The following B4GALT5 variants were observed in gnomAD, a reference collection of about 807,000 sequenced individuals.
B4GALT5 encodes UDP-Gal:beta-GlcNAc beta-1,4-galactosyltransferase 5.
A neutral mutation model predicts 45.0 loss-of-function variants in B4GALT5; 11 were observed. The ratio of observed to expected loss-of-function variants is 0.24; its 90% CI spans 0.15 to 0.40. B4GALT5 has a LOEUF of 0.40. Ranked by LOEUF, B4GALT5 falls within the 10% of genes least tolerant of loss-of-function variation. B4GALT5 has a pLI of 1.00. For synonymous variants in B4GALT5, 185 were observed against 182.9 expected, an observed-to-expected ratio of 1.01 and a Z score of -0.09; for missense variants, 337 against 500.2, an observed-to-expected ratio of 0.67 and a Z score of 3.11.
intron 1 of B4GALT5, among the ~76,000 whole-genome samples, chr20:49,658,474 CA>C (rs2085652216): frequency 6.6e-6 from 1 of 152,092 alleles, no homozygotes; most frequent in Non-Finnish European, 1.5e-5. Flanking sequence ...ATTACTAAAC[CA>C]GTTGTCTTAT....
At chr20:49,713,332 G>T (rs1055901085) in intron 1 of B4GALT5, among the ~76,000 whole-genome samples, 1 of 151,880 alleles carries the variant, frequency 6.6e-6, no homozygotes, top group Non-Finnish European at 1.5e-5. Context: ...GGGTTCGCGA[G>T]GGTGGCGTTA....
chr20:49,670,895 A>G (rs74579226), intron 1 of B4GALT5, among the ~76,000 whole-genome samples: 2,725 of 152,294 alleles, frequency 0.018, 89 homozygotes, highest in African/African-American at 0.062. Context: ...ATTCATCCTA[A>G]AGAAATAATT....
chr20:49,639,942 A>C (rs1264936223), intron 6 of B4GALT5, 142 bp from the exon 7 acceptor site: 1 of 1,177,410 alleles, frequency 8.5e-7, no homozygotes, highest in African/African-American at 1.6e-5. Context: ...AGCAAAATTA[A>C]TTTTTGCAAA....
intron 1 of B4GALT5, among the ~76,000 whole-genome samples, chr20:49,666,373 C>T (rs1165638074): frequency 6.6e-6 from 1 of 152,158 alleles, no homozygotes; most frequent in Non-Finnish European, 1.5e-5. Flanking sequence ...AAAGGTGCTG[C>T]TTGGTGCTCA....
intron 1 of B4GALT5, among the ~76,000 whole-genome samples, chr20:49,678,313 A>T (rs2146347624): frequency 6.6e-6 from 1 of 152,336 alleles, no homozygotes; most frequent in East Asian, 1.9e-4. Context: ...GAAAAGCAAA[A>T]CCAACCCTGG....
chr20:49,652,097 A>G (rs1268887244), intron 2 of B4GALT5, among the ~76,000 whole-genome samples: 1 of 152,080 alleles, frequency 6.6e-6, no homozygotes, highest in East Asian at 1.9e-4. Flanking sequence ...CAAACAAACA[A>G]AATTCTAACA....
chr20:49,648,120 G>A (rs914482657), intron 2 of B4GALT5, among the ~76,000 whole-genome samples: 1 of 152,068 alleles, frequency 6.6e-6, no homozygotes, highest in Admixed American at 6.6e-5. Context: ...CATGTTTGCA[G>A]TCATTTTTCT....
intron 1 of B4GALT5, among the ~76,000 whole-genome samples, chr20:49,709,185 G>C (rs899128558): frequency 6.6e-6 from 1 of 151,908 alleles, no homozygotes; most frequent in South Asian, 2.1e-4. Context: ...CTGAGCTCTC[G>C]GATTTTTTTT....
intron 1 of B4GALT5, among the ~76,000 whole-genome samples, chr20:49,662,161 C>A (rs1282640088): frequency 6.6e-6 from 1 of 152,138 alleles, no homozygotes; most frequent in African/African-American, 2.4e-5. Flanking sequence ...TTAATGTTTG[C>A]TGTGGTTGGC....
rs552579982 is a variant in B4GALT5, at chr20:49,666,131, G to C, written c.116-9429C>G. On this transcript the variant is annotated intron_variant, in intron 1 of 8. Coordinates refer to ENST00000371711, the MANE Select transcript of B4GALT5 (RefSeq NM_004776.4). ...AATTCCTGGCTCCAGATTAAGGACTGAACTTTTTAGTATCCACATCTAAAT... is the reference window on the plus strand; with the variant it reads ...AATTCCTGGCTCCAGATTAAGGACTCAACTTTTTAGTATCCACATCTAAAT... Among the ~76,000 whole-genome samples, 6 of 152,256 alleles carry C rather than the reference G, an allele frequency of 3.9e-5. 1 individual carries two copies. The East Asian group carries it at 7.7e-4, about 20-fold the overall frequency.
At chr20:49,655,488 C>T (rs1361927047) in intron 2 of B4GALT5, among the ~76,000 whole-genome samples, 2 of 152,116 alleles carry the variant, frequency 1.3e-5, no homozygotes, top group South Asian at 2.1e-4. Context: ...AGAAATGAGG[C>T]GAATCATGAA....
chr20:49,678,262 G>C (rs4810973), intron 1 of B4GALT5, among the ~76,000 whole-genome samples: 71,110 of 152,106 alleles, frequency 0.47, 17,606 homozygotes, highest in South Asian at 0.65. Flanking sequence ...AGGTCAACTT[G>C]GTTACTAATT....
At chr20:49,657,727 T>A (rs2085649115) in intron 1 of B4GALT5, among the ~76,000 whole-genome samples, 1 of 152,186 alleles carries the variant, frequency 6.6e-6, no homozygotes, top group African/African-American at 2.4e-5. Context: ...ACTCAATACA[T>A]CTGGCCTTGG....
Position 49,703,730 on chromosome 20 carries a change from A to AAAAAAAAAAAAATAAT in B4GALT5, c.115+9845_115+9846insATTATTTTTTTTTTTT, listed in dbSNP as rs1555814914. 8.5e-3 allele frequency among the ~76,000 whole-genome samples: 1,225 copies of AAAAAAAAAAAAATAAT among 144,628 alleles called. 15 individuals are homozygous for AAAAAAAAAAAAATAAT. The highest frequency in any genetic ancestry group is 0.032 in the African/African-American group (1,160 of 36,398). 94.9% of individuals were successfully genotyped at this position (144,628 alleles called of 152,430 possible). A position where few individuals can be genotyped will look rare whatever the true frequency, so the allele number is the denominator to read the frequency against. On this transcript the variant is annotated intron_variant, in intron 1 of 8. Coordinates refer to ENST00000371711, the MANE Select transcript of B4GALT5 (RefSeq NM_004776.4). ...ACGGCAAAGCCGCATTTCTACTAAA[A>AAAAAAAAAAAAATAAT]AAAAAAAAAATAGCCAGGGGTCATG...
chr20:49,640,178 T>G (rs1318483804), intron 6 of B4GALT5, among the ~76,000 whole-genome samples: 1 of 152,242 alleles, frequency 6.6e-6, no homozygotes, highest in African/African-American at 2.4e-5. Flanking sequence ...TTTATCTACT[T>G]TCTGTCACTA....
At chr20:49,677,872 A>G (rs1268639707) in intron 1 of B4GALT5, among the ~76,000 whole-genome samples, 1 of 152,144 alleles carries the variant, frequency 6.6e-6, no homozygotes, top group Non-Finnish European at 1.5e-5. Flanking sequence ...CAGCCTCCTG[A>G]GTAGCTGGGA....
chr20:49,694,536 G>C (rs2085829723), intron 1 of B4GALT5, among the ~76,000 whole-genome samples: 1 of 151,932 alleles, frequency 6.6e-6, no homozygotes. Flanking sequence ...ACTTGGGAGG[G>C]TGAGGTGGGA....
chr20:49,685,824 T>C (rs944065883), intron 1 of B4GALT5, among the ~76,000 whole-genome samples: 5 of 152,028 alleles, frequency 3.3e-5, no homozygotes, highest in African/African-American at 1.2e-4. Context: ...CATTTTTGGA[T>C]AGTTTTAAAA....
intron 1 of B4GALT5, among the ~76,000 whole-genome samples, chr20:49,698,606 G>A (rs553454359): frequency 3.3e-5 from 5 of 151,476 alleles, no homozygotes; most frequent in African/African-American, 9.7e-5. Flanking sequence ...TCCCACTCTC[G>A]CATTCACACA....
Sources: gnomAD v4.1 joint callset for allele counts (sites outside exome capture counted in the v4.1 genomes callset) on GRCh38, gnomAD v4.1.1 for gene constraint, MANE v1.5 for transcripts, NCBI Gene and HGNC (gene_info 2026-07-23, HGNC 2026-07-21) for gene names.